SEPHS1: variants seen among roughly 807,000 people sequenced by gnomAD.
SEPHS1 encodes selenophosphate synthetase 1, also known as zincore component SEPHS1.
SEPHS1 carries 7 observed loss-of-function variants against 39.2 expected under a neutral mutation model. The ratio of observed to expected loss-of-function variants is 0.18; its 90% confidence interval spans 0.10 to 0.34. The LOEUF is 0.34. Among genes scored for constraint, SEPHS1 ranks in the 10% least tolerant of loss-of-function variants. SEPHS1 has a pLI of 1.00. For synonymous variants in SEPHS1, 190 were observed against 195.5 expected (o/e 0.97, Z 0.23); for missense variants, 253 against 514.5 (o/e 0.49, Z 4.92).
intron 7 of SEPHS1, among the ~76,000 whole-genome samples, chr10:13,325,974 T>TA (rs1833274939): frequency 2.1e-5 from 2 of 96,416 alleles, no homozygotes; most frequent in Non-Finnish European, 2.4e-5. Flanking sequence ...ATAATAATAA[T>TA]AATAATAAAT....
intron 2 of SEPHS1, among the ~76,000 whole-genome samples, chr10:13,341,146 T>C (rs971819664): frequency 6.6e-6 from 1 of 152,144 alleles, no homozygotes; most frequent in African/African-American, 2.4e-5. Flanking sequence ...TCTACAGTGA[T>C]TGGTTTAGAA....
intron 1 of SEPHS1, among the ~76,000 whole-genome samples, chr10:13,346,010 C>T (rs1268018890): frequency 1.3e-5 from 2 of 152,284 alleles, no homozygotes; most frequent in African/African-American, 4.8e-5. Flanking sequence ...GGAAAGTTCT[C>T]TGATGTTTTC....
chr10:13,346,507 G>A (rs1379647863), intron 1 of SEPHS1, among the ~76,000 whole-genome samples: 1 of 152,154 alleles, frequency 6.6e-6, no homozygotes, highest in African/African-American at 2.4e-5. Context: ...AACTGAGCAG[G>A]AGTCAGCCTT....
At chr10:13,332,879 A>G (rs1490627571) in intron 5 of SEPHS1, among the ~76,000 whole-genome samples, 1 of 151,998 alleles carries the variant, frequency 6.6e-6, no homozygotes, top group African/African-American at 2.4e-5. Context: ...ATGTCTTAAA[A>G]ATAGGATTAA....
At position 13,318,350 on chromosome 10, in the gene SEPHS1, T is replaced by C. The variant is rs1410054987; in HGVS notation, c.*792A>G. 2 of 152,668 alleles carry C rather than the reference T, an allele frequency of 1.3e-5. No individual in the cohort carries two copies. Among genetic ancestry groups the C allele is most frequent in the Admixed American group, 6.5e-5 (1 of 15,276 alleles). The allele number at this position is 152,668 out of a possible 1,614,324, so 9.5% of individuals were successfully genotyped here. ...TATTTAAAAATTATTTGTGTAATTA[T>C]ATATTGAATTGTAAATGAGTATTAT... On this transcript the variant is annotated 3_prime_UTR_variant, in exon 9 of 9. Transcript: ENST00000327347.
intron 1 of SEPHS1, among the ~76,000 whole-genome samples, chr10:13,347,601 G>A (rs1216597642): frequency 1.4e-5 from 2 of 147,194 alleles, no homozygotes; most frequent in Non-Finnish European, 1.5e-5. Context: ...GGAGAAAAGG[G>A]GAGGCGGGGA....
chr10:13,320,021 C>A (rs1433464575), intron 8 of SEPHS1, among the ~76,000 whole-genome samples: 2 of 152,148 alleles, frequency 1.3e-5, no homozygotes, highest in South Asian at 4.1e-4. Context: ...TCTCATTTTA[C>A]CGAGAATGCT....
rs1334117837 is a variant in SEPHS1 at position 13,318,074 on chromosome 10, G to A, written c.*1068C>T. On this transcript the variant is annotated 3_prime_UTR_variant, in exon 9 of 9. Transcript: ENST00000327347. The stretch of plus-strand genomic sequence containing the variant: ...CTAAAAGGGGCATCTGATTATACAA[G>A]AGCAATTTAAAAAATTAAATATTTA... The A allele has an allele frequency of 3.3e-5, 5 of 152,136 alleles. No homozygotes were observed. 9.4% of individuals were successfully genotyped at this position (152,136 alleles called of 1,614,324 possible).
intron 6 of SEPHS1, among the ~76,000 whole-genome samples, chr10:13,329,280 C>G (rs1833398042): frequency 6.6e-6 from 1 of 152,150 alleles, no homozygotes; most frequent in Admixed American, 6.5e-5. Flanking sequence ...AACTACCAAA[C>G]AAAAACAACC....
chr10:13,341,212 C>T (rs6602648), intron 2 of SEPHS1, among the ~76,000 whole-genome samples: 94,725 of 151,886 alleles, frequency 0.62, 29,718 homozygotes, highest in East Asian at 0.74. Context: ...GAGATGCCCA[C>T]AGGCCTTGAA....
intron 8 of SEPHS1, among the ~76,000 whole-genome samples, chr10:13,320,364 G>C: frequency 6.6e-6 from 1 of 151,746 alleles, no homozygotes; most frequent in Non-Finnish European, 1.5e-5. Context: ...TGTATTTTTA[G>C]TAGAGACAGG....
In SEPHS1 at chr10:13,318,972, A is replaced by G. The variant is rs562577130; in HGVS notation, c.*170T>C. The G allele has an allele frequency of 1.6e-6, 1 of 622,278 alleles. No individual in the cohort carries two copies. Among genetic ancestry groups the G allele is most frequent in the African/African-American group, 1.9e-5 (1 of 52,924 alleles). The allele number at this position is 622,278 out of a possible 1,614,324, so 38.5% of individuals were successfully genotyped here. ...GTGCATCTTCAGTTAATGTAACAGG[A>G]AAAAAAGGCAATGGATTTTATTTTA... On this transcript the variant is annotated 3_prime_UTR_variant, in exon 9 of 9. Coordinates refer to ENST00000327347, the MANE Select transcript of SEPHS1 (RefSeq NM_012247.5).
intron 3 of SEPHS1, 27 bp from the exon 4 acceptor site, chr10:13,336,377 G>C: frequency 6.5e-7 from 1 of 1,527,180 alleles, no homozygotes; most frequent in African/African-American, 1.4e-5. Flanking sequence ...ACATGAGAAA[G>C]GACGACCGGG....
chr10:13,324,913 G>A (rs1833222177), intron 7 of SEPHS1, among the ~76,000 whole-genome samples: 2 of 152,128 alleles, frequency 1.3e-5, no homozygotes, highest in South Asian at 2.1e-4. Context: ...CCCTATTGAC[G>A]TACCACACTG....
chr10:13,335,708 G>C (rs1389664480), intron 4 of SEPHS1, among the ~76,000 whole-genome samples: 1 of 151,078 alleles, frequency 6.6e-6, no homozygotes, highest in Non-Finnish European at 1.5e-5. Flanking sequence ...GGCCGGGCAC[G>C]GTGTTTCACG....
At position 13,338,720 on chromosome 10, in the gene SEPHS1, G is replaced by A. The variant is rs745523676; in HGVS notation, c.282C>T (p.Asp94=). ...TCACGCTTACCATCATGTAAGGGTC[G>A]TCTACGATCGGGTAAATGTAATCTG... ...QTTDYIYPIV[D]DPYMMGRIAC... is the part of the protein sequence containing the mutation. The change falls in exon 3 of 9, where the codon GAC becomes GAT. Residue 94 remains aspartate (D), a synonymous_variant. Transcript: ENST00000327347. The A allele has an allele frequency of 1.3e-5, 21 of 1,613,704 alleles. No individual in the cohort carries two copies. Among genetic ancestry groups the A allele is most frequent in the Middle Eastern group, 1.6e-4 (1 of 6,062 alleles).
chr10:13,341,153 A>G (rs1001425972), intron 2 of SEPHS1, among the ~76,000 whole-genome samples: 8 of 152,192 alleles, frequency 5.3e-5, no homozygotes, highest in African/African-American at 1.7e-4. Context: ...TGATTGGTTT[A>G]GAAATCACCA....
At position 13,318,311 on chromosome 10, in the gene SEPHS1, TTTAC is replaced by T. The variant is rs1833002473; in HGVS notation, c.*827_*830del. 1 of 152,614 alleles carries T rather than the reference TTTAC, an allele frequency of 6.6e-6. No individual in the cohort carries two copies. Among genetic ancestry groups the T allele is most frequent in the East Asian group, 1.9e-4 (1 of 5,204 alleles). 9.5% of individuals were successfully genotyped at this position (152,614 alleles called of 1,614,324 possible). A position where few individuals can be genotyped will look rare whatever the true frequency, so the allele number is the denominator to read the frequency against. ...AAACACTACCATCCACAGAACAGTC[TTTAC>T]TATTGATTATATTTAAAAATTATTT... On this transcript the variant is annotated 3_prime_UTR_variant, in exon 9 of 9. Coordinates refer to ENST00000327347, the MANE Select transcript of SEPHS1 (RefSeq NM_012247.5).
chr10:13,342,929 T>A (rs1833836805), intron 2 of SEPHS1, among the ~76,000 whole-genome samples: 1 of 152,020 alleles, frequency 6.6e-6, no homozygotes, highest in Non-Finnish European at 1.5e-5. Flanking sequence ...AGAGATGGGT[T>A]TCACCATTTT....
Sources: gnomAD v4.1 joint callset for allele counts (sites outside exome capture counted in the v4.1 genomes callset) on GRCh38, gnomAD v4.1.1 for gene constraint, MANE v1.5 for transcripts, NCBI Gene and HGNC (gene_info 2026-07-23, HGNC 2026-07-21) for gene names.